PRKN: variants seen among roughly 807,000 people sequenced by gnomAD.
PRKN encodes E3 ubiquitin-protein ligase parkin.
PRKN carries 56 observed loss-of-function variants against 59.5 expected under a neutral mutation model. The ratio of observed to expected loss-of-function variants is 0.94; its 90% CI spans 0.76 to 1.18. The LOEUF (loss-of-function observed/expected upper bound fraction) is 1.18, where lower values mean the gene tolerates loss of function less well. Among genes scored for constraint, PRKN ranks in the 50% most tolerant of loss-of-function variants. The probability of loss-of-function intolerance (pLI) is 0.00; values close to 1 mark genes in which losing one functional copy is unlikely to be tolerated. For missense variants in PRKN, 657 were observed against 596.4 expected (o/e 1.10, Z -1.06); for synonymous variants, 250 against 222.1 (o/e 1.13, Z -1.12).
chr6:161,540,450 A>G (rs1485447653), intron 9 of PRKN, among the ~76,000 whole-genome samples: 1 of 152,218 alleles, frequency 6.6e-6, no homozygotes, highest in Non-Finnish European at 1.5e-5. Flanking sequence ...TTAGAAAGAA[A>G]AAGATTTTAC....
At chr6:162,609,626 C>G (rs1204145904) in intron 1 of PRKN, among the ~76,000 whole-genome samples, 1 of 152,100 alleles carries the variant, frequency 6.6e-6, no homozygotes, top group Non-Finnish European at 1.5e-5. Context: ...AACATTTTAG[C>G]CAAGCTTCAA....
At chr6:162,219,872 C>T (rs958003002) in intron 3 of PRKN, among the ~76,000 whole-genome samples, 12 of 152,094 alleles carry the variant, frequency 7.9e-5, no homozygotes, top group African/African-American at 2.9e-4. Context: ...CAGTTGCTCC[C>T]TTGTATACAT....
intron 9 of PRKN, among the ~76,000 whole-genome samples, chr6:161,443,304 C>T (rs144725669): frequency 0.11 from 15,472 of 142,844 alleles, 907 homozygotes; most frequent in Middle Eastern, 0.14. Flanking sequence ...AGCAAGACTC[C>T]GTCTCAAAAA....
intron 2 of PRKN, among the ~76,000 whole-genome samples, chr6:162,341,560 T>C (rs1293242182): frequency 1.3e-5 from 2 of 152,202 alleles, no homozygotes; most frequent in Non-Finnish European, 2.9e-5. Flanking sequence ...ATATACACTG[T>C]GGAATACTAT....
chr6:162,662,153 C>T (rs990373150), intron 1 of PRKN, among the ~76,000 whole-genome samples: 6 of 151,600 alleles, frequency 4.0e-5, no homozygotes, highest in Admixed American at 2.0e-4. Context: ...ATTGCTGGAT[C>T]GAATGATAGT....
chr6:162,132,052 C>T (rs1270556882), intron 4 of PRKN, among the ~76,000 whole-genome samples: 1 of 152,142 alleles, frequency 6.6e-6, no homozygotes, highest in East Asian at 1.9e-4. Flanking sequence ...TTACATAGAG[C>T]TGGGTTTTGT....
chr6:162,344,789 GC>G (rs1046970918), intron 2 of PRKN, among the ~76,000 whole-genome samples: 1 of 152,162 alleles, frequency 6.6e-6, no homozygotes, highest in Non-Finnish European at 1.5e-5. Flanking sequence ...AAATGGATGT[GC>G]CCCAGGGAAC....
chr6:162,468,686 T>C (rs186536391), intron 1 of PRKN, among the ~76,000 whole-genome samples: 42 of 152,356 alleles, frequency 2.8e-4, no homozygotes, highest in Non-Finnish European at 4.4e-4. Context: ...CAAATATTTC[T>C]TGAGCAGCTC....
chr6:161,631,787 ACACACACCC>A (rs968797253), intron 7 of PRKN, among the ~76,000 whole-genome samples: 1 of 149,924 alleles, frequency 6.7e-6, no homozygotes, highest in Non-Finnish European at 1.5e-5. Flanking sequence ...ACACACACAC[ACACACACCC>A]CACACACACA....
At chr6:162,146,194 G>A (rs1782018376) in intron 4 of PRKN, among the ~76,000 whole-genome samples, 1 of 152,068 alleles carries the variant, frequency 6.6e-6, no homozygotes, top group African/African-American at 2.4e-5. Context: ...TAGCCATCCA[G>A]CAAACATATG....
rs555305321 is a variant in PRKN, at chr6:161,777,892, A to G, written c.871+7880T>C. Among the ~76,000 whole-genome samples, 176 of 124,128 alleles carry G rather than the reference A, an allele frequency of 1.4e-3. 2 individuals are homozygous for G. The highest frequency in any genetic ancestry group is 0.014 in the Middle Eastern group (3 of 216). 81.4% of individuals were successfully genotyped at this position (124,128 alleles called of 152,430 possible). ...TATGTATACGTATATATGTATATAT[A>G]TGTATACATATATATGTGTATATAT... On this transcript the variant is annotated intron_variant, in intron 7 of 11. Transcript: ENST00000366898.
In PRKN at chr6:162,071,579, A is replaced by C. The variant is rs933608595; in HGVS notation, c.535-17405T>G. On this transcript the variant is annotated intron_variant, in intron 4 of 11. Coordinates refer to ENST00000366898, the MANE Select transcript of PRKN (RefSeq NM_004562.3). ...ATCTGTGAACTTATCAGTGGATTCC[A>C]ATTATTTTACTGAATTTAATTTTTT... is the stretch of plus-strand genomic sequence containing the variant. Among the ~76,000 whole-genome samples, 5 of 144,938 alleles carry C rather than the reference A, an allele frequency of 3.4e-5. No individual in the cohort carries two copies. In the South Asian group the frequency reaches 9.0e-4, roughly 26 times the overall value.
intron 7 of PRKN, among the ~76,000 whole-genome samples, chr6:161,583,114 A>G (rs1781404452): frequency 6.6e-6 from 1 of 152,198 alleles, no homozygotes; most frequent in Non-Finnish European, 1.5e-5. Flanking sequence ...GAGCATTACC[A>G]AAAAGCCTAA....
At chr6:161,801,997 C>G (rs1156989888) in intron 6 of PRKN, among the ~76,000 whole-genome samples, 1 of 152,138 alleles carries the variant, frequency 6.6e-6, no homozygotes, top group Non-Finnish European at 1.5e-5. Flanking sequence ...CTTGCAGATT[C>G]ACAAGGAAGG....
chr6:162,284,416 G>T (rs190369704), intron 2 of PRKN, among the ~76,000 whole-genome samples: 26 of 151,762 alleles, frequency 1.7e-4, no homozygotes, highest in Admixed American at 1.7e-3. Context: ...TAGAGACCAG[G>T]TTTCTCCATG....
At chr6:161,894,163 C>T (rs1451545415) in intron 6 of PRKN, among the ~76,000 whole-genome samples, 1 of 152,180 alleles carries the variant, frequency 6.6e-6, no homozygotes. Flanking sequence ...CCACTACCCA[C>T]CTGCCAACCC....
chr6:162,180,990 A>G (rs1783778407), intron 4 of PRKN, among the ~76,000 whole-genome samples: 1 of 152,236 alleles, frequency 6.6e-6, no homozygotes, highest in South Asian at 2.1e-4. Flanking sequence ...CCTCATTCTC[A>G]GGTGAAAATG....
In PRKN at chr6:161,594,178, A is replaced by G. The variant is rs9355352; in HGVS notation, c.872-24762T>C. Among the ~76,000 whole-genome samples, 973 of 152,102 alleles carry G rather than the reference A, an allele frequency of 6.4e-3. 27 individuals carry two copies. In the East Asian group the frequency reaches 0.077, roughly 12 times the overall value. ...ACTCCGTCTCAAAAAAACAAACAAA[A>G]AAAGAACTGACTGCTGGACTTCATG... On this transcript the variant is annotated intron_variant, in intron 7 of 11. Coordinates refer to ENST00000366898, the MANE Select transcript of PRKN (RefSeq NM_004562.3).
chr6:162,036,388 T>A (rs536723916), intron 5 of PRKN, among the ~76,000 whole-genome samples: 2 of 151,936 alleles, frequency 1.3e-5, no homozygotes, highest in Admixed American at 1.3e-4. Context: ...GTTTAAATAA[T>A]TTTGTTTTGA....
Sources: allele counts gnomAD v4.1 joint callset (sites outside exome capture counted in the v4.1 genomes callset), GRCh38; gene constraint gnomAD v4.1.1; transcripts MANE v1.5; gene names NCBI Gene and HGNC (gene_info 2026-07-23, HGNC 2026-07-21).